The following LRP1B variants were observed in gnomAD, a reference collection of about 807,000 sequenced individuals.
LRP1B encodes LDL receptor related protein 1B.
In LRP1B, 217 loss-of-function variants were observed where a neutral mutation model predicts 556.6. That is an observed-to-expected ratio of 0.39 (90% CI 0.35 to 0.44). LRP1B has a LOEUF of 0.44. Among genes scored for constraint, LRP1B ranks in the 20% least tolerant of loss-of-function variants. LRP1B has a pLI of 1.00. For synonymous variants in LRP1B, 2,047 were observed against 1,865.8 expected (o/e 1.10, Z -2.50); for missense variants, 5,053 against 5,620.8 (o/e 0.90, Z 3.23).
At chr2:141,048,008 A>G (rs939623593) in intron 11 of LRP1B, among the ~76,000 whole-genome samples, 8 of 152,120 alleles carry the variant, frequency 5.3e-5, no homozygotes. Context: ...GAACTTATTA[A>G]TTAAATGCTG....
intron 40 of LRP1B, among the ~76,000 whole-genome samples, chr2:140,700,843 A>T (rs1686612469): frequency 6.6e-6 from 1 of 152,146 alleles, no homozygotes. Context: ...AGTCTGTTTC[A>T]TTCACCATCC....
rs138094334 is a variant in LRP1B, at chr2:141,077,015, G to A, written c.1014-14742C>T. Among the ~76,000 whole-genome samples the A allele has an allele frequency of 0.011, 1,606 of 152,308 alleles. 69 individuals carry two copies. The East Asian group carries it at 0.14, about 13-fold the overall frequency. On this transcript the variant is annotated intron_variant, in intron 7 of 90. Transcript: ENST00000389484. Reference sequence around the variant, plus strand: ...TAATCCCAGCACTTTGGGAGGCCGAGGTGGGCAGATCACGAGGCCAGGAGT... The same window carrying A: ...TAATCCCAGCACTTTGGGAGGCCGAAGTGGGCAGATCACGAGGCCAGGAGT...
intron 7 of LRP1B, among the ~76,000 whole-genome samples, chr2:141,064,886 T>G (rs1488256522): frequency 6.6e-6 from 1 of 151,880 alleles, no homozygotes; most frequent in Non-Finnish European, 1.5e-5. Flanking sequence ...TAAAAATCAC[T>G]CTCTTCTTTT....
intron 66 of LRP1B, among the ~76,000 whole-genome samples, chr2:140,397,010 G>T (rs898462490): frequency 1.3e-5 from 2 of 152,108 alleles, no homozygotes; most frequent in African/African-American, 4.8e-5. Flanking sequence ...AGGTCACAGA[G>T]TATTAGAATC....
intron 2 of LRP1B, among the ~76,000 whole-genome samples, chr2:141,782,514 C>CTTTTT (rs5834867): frequency 0.035 from 3,372 of 97,662 alleles, 252 homozygotes; most frequent in African/African-American, 0.12. Context: ...TTCTATTTTC[C>CTTTTT]TTTTTTTTTT....
chr2:142,057,759 C>A (rs1012501819), intron 1 of LRP1B, among the ~76,000 whole-genome samples: 1 of 152,112 alleles, frequency 6.6e-6, no homozygotes, highest in African/African-American at 2.4e-5. Flanking sequence ...GTGTGTCTCT[C>A]GCCTTAAACC....
At chr2:141,766,291 T>C (rs529606992) in intron 2 of LRP1B, among the ~76,000 whole-genome samples, 1 of 152,260 alleles carries the variant, frequency 6.6e-6, no homozygotes, top group Non-Finnish European at 1.5e-5. Flanking sequence ...TTTCAATGGA[T>C]AGGATACAAA....
At position 141,831,964 on chromosome 2, in the gene LRP1B, C is replaced by T. The variant is rs185780817; in HGVS notation, c.83-21563G>A. Among the ~76,000 whole-genome samples the T allele has an allele frequency of 2.9e-3, 444 of 151,698 alleles. 1 individual carries two copies. The highest frequency in any genetic ancestry group is 0.01 in the African/African-American group (421 of 41,504). Reference sequence around the variant, plus strand: ...TTTTTTTCTCTAGTTCAATGCCTTTCTACATTGGAAATTCTGGTCAATGGT... The same window carrying T: ...TTTTTTTCTCTAGTTCAATGCCTTTTTACATTGGAAATTCTGGTCAATGGT... On this transcript the variant is annotated intron_variant, in intron 1 of 90. Coordinates refer to ENST00000389484, the MANE Select transcript of LRP1B (RefSeq NM_018557.3).
At chr2:142,130,509 G>A (rs887907425) in intron 1 of LRP1B, 139 bp downstream of exon 1, 22 of 684,928 alleles carry the variant, frequency 3.2e-5, no homozygotes, top group Non-Finnish European at 5.5e-5. Flanking sequence ...CCCCCGCACA[G>A]GGCCAGCGCA....
At chr2:140,382,770 A>G (rs890667785) in intron 67 of LRP1B, among the ~76,000 whole-genome samples, 10 of 152,186 alleles carry the variant, frequency 6.6e-5, no homozygotes, top group Non-Finnish European at 1.0e-4. Context: ...ATTCATAAAC[A>G]AAGAAGTCCA....
intron 60 of LRP1B, among the ~76,000 whole-genome samples, chr2:140,460,382 T>TA (rs765579797): frequency 2.0e-5 from 3 of 152,044 alleles, no homozygotes; most frequent in Non-Finnish European, 4.4e-5. Flanking sequence ...ATGGAGCTAA[T>TA]AAAAAATCAC....
chr2:141,612,834 G>A (rs1049119606), intron 2 of LRP1B, among the ~76,000 whole-genome samples: 4 of 151,994 alleles, frequency 2.6e-5, no homozygotes, highest in Admixed American at 2.6e-4. Context: ...AGACAGTCTC[G>A]CTCTGTCACC....
chr2:140,417,731 A>C (rs1685261742), intron 66 of LRP1B, among the ~76,000 whole-genome samples: 1 of 152,134 alleles, frequency 6.6e-6, no homozygotes, highest in African/African-American at 2.4e-5. Flanking sequence ...CCTGAATGTG[A>C]GTCTACACAC....
intron 11 of LRP1B, among the ~76,000 whole-genome samples, chr2:141,022,967 T>C (rs896469792): frequency 6.6e-6 from 1 of 151,862 alleles, no homozygotes; most frequent in Admixed American, 6.6e-5. Context: ...CCCATTTTCA[T>C]GCATCAATAG....
intron 60 of LRP1B, among the ~76,000 whole-genome samples, chr2:140,469,131 G>C (rs115726446): frequency 6.6e-6 from 1 of 152,200 alleles, no homozygotes; most frequent in Non-Finnish European, 1.5e-5. Context: ...AGAATGCTAT[G>C]GTCTGAATGT....
chr2:140,950,452 T>G, intron 19 of LRP1B, 50 bp from the exon 20 acceptor site: 1 of 1,457,864 alleles, frequency 6.9e-7, no homozygotes, highest in Non-Finnish European at 9.3e-7. Flanking sequence ...CATGAAGAAA[T>G]TTTTTCTTAT....
chr2:140,481,509 A>G (rs950551187), intron 59 of LRP1B, among the ~76,000 whole-genome samples: 3 of 151,504 alleles, frequency 2.0e-5, no homozygotes, highest in African/African-American at 7.3e-5. Flanking sequence ...GATAAACAGT[A>G]CATGCATCTG....
chr2:141,497,611 C>A (rs1480717428), intron 2 of LRP1B, among the ~76,000 whole-genome samples: 1 of 151,882 alleles, frequency 6.6e-6, no homozygotes, highest in African/African-American at 2.4e-5. Context: ...ATAAGCACTG[C>A]AGGATGTTTG....
chr2:140,582,360 A>C (rs542701134), intron 43 of LRP1B, among the ~76,000 whole-genome samples: 2 of 151,190 alleles, frequency 1.3e-5, no homozygotes, highest in African/African-American at 4.9e-5. Context: ...TGTGGTAAGA[A>C]ACTCTTCTAC....
Sources: gnomAD v4.1 joint callset for allele counts (sites outside exome capture counted in the v4.1 genomes callset) on GRCh38, gnomAD v4.1.1 for gene constraint, MANE v1.5 for transcripts, NCBI Gene and HGNC (gene_info 2026-07-23, HGNC 2026-07-21) for gene names.